AUTS2: variants seen among roughly 807,000 people sequenced by gnomAD.
AUTS2 encodes the protein activator of transcription and developmental regulator AUTS2.
Under a neutral mutation model 112.4 loss-of-function variants are expected in AUTS2, and 17 were observed. The observed-to-expected ratio is 0.15, with a 90% CI of 0.10 to 0.23. The LOEUF is 0.23. Ranked by LOEUF, AUTS2 falls within the 10% of genes least tolerant of loss-of-function variation. AUTS2 has a pLI of 1.00. For synonymous variants in AUTS2, 751 were observed against 702.7 expected, an observed-to-expected ratio of 1.07 and a Z score of -1.09; for missense variants, 1,510 against 1,701.6, an observed-to-expected ratio of 0.89 and a Z score of 1.98.
At chr7:70,262,584 G>T (rs576778283) in intron 4 of AUTS2, among the ~76,000 whole-genome samples, 2 of 152,130 alleles carry the variant, frequency 1.3e-5, no homozygotes, top group Non-Finnish European at 2.9e-5. Context: ...TCTTCAAAAA[G>T]ATATCAAATA....
intron 2 of AUTS2, among the ~76,000 whole-genome samples, chr7:70,014,156 A>G (rs1799926760): frequency 6.6e-6 from 1 of 152,222 alleles, no homozygotes; most frequent in Non-Finnish European, 1.5e-5. Context: ...GTGTAATACA[A>G]TTAAAATATT....
chr7:70,748,685 A>G (rs981179951), intron 6 of AUTS2, among the ~76,000 whole-genome samples: 2 of 152,190 alleles, frequency 1.3e-5, no homozygotes, highest in African/African-American at 4.8e-5. Context: ...TGAGGGTGCT[A>G]CCAACATTTG....
At chr7:70,057,955 A>G (rs896915007) in intron 2 of AUTS2, among the ~76,000 whole-genome samples, 5 of 152,184 alleles carry the variant, frequency 3.3e-5, no homozygotes, top group Admixed American at 6.5e-5. Context: ...CAGTGATACG[A>G]CTATTATGTA....
intron 5 of AUTS2, among the ~76,000 whole-genome samples, chr7:70,658,284 C>T (rs192536755): frequency 2.2e-3 from 338 of 152,308 alleles, no homozygotes; most frequent in African/African-American, 7.8e-3. Flanking sequence ...CCCTGGGGAA[C>T]TGTCTAGGGC....
chr7:70,055,094 T>C (rs779077108), intron 2 of AUTS2, among the ~76,000 whole-genome samples: 31 of 152,208 alleles, frequency 2.0e-4, no homozygotes, highest in Non-Finnish European at 4.3e-4. Flanking sequence ...ACATCTACTT[T>C]AAGTTAAACA....
chr7:70,439,767 C>T (rs1585146999), intron 5 of AUTS2, among the ~76,000 whole-genome samples: 1 of 152,092 alleles, frequency 6.6e-6, no homozygotes, highest in African/African-American at 2.4e-5. Context: ...AATATTTGGC[C>T]TATATTTTAT....
At chr7:70,373,659 A>T (rs1003678939) in intron 4 of AUTS2, among the ~76,000 whole-genome samples, 1 of 152,154 alleles carries the variant, frequency 6.6e-6, no homozygotes, top group African/African-American at 2.4e-5. Flanking sequence ...AATATCATCT[A>T]ATTAACACCT....
intron 1 of AUTS2, among the ~76,000 whole-genome samples, chr7:69,806,197 CTTTTTT>C (rs56704400): frequency 7.3e-5 from 4 of 55,010 alleles, no homozygotes; most frequent in Admixed American, 5.1e-4. Flanking sequence ...CCAGCCAAGG[CTTTTTT>C]TTTTTTTTTT....
intron 2 of AUTS2, among the ~76,000 whole-genome samples, chr7:70,091,043 CA>C (rs1803891646): frequency 6.6e-6 from 1 of 152,146 alleles, no homozygotes; most frequent in Non-Finnish European, 1.5e-5. Flanking sequence ...TATCTGAAAA[CA>C]TCTTCATTTT....
At chr7:70,579,300 C>G (rs752208182) in intron 5 of AUTS2, among the ~76,000 whole-genome samples, 1 of 127,570 alleles carries the variant, frequency 7.8e-6, no homozygotes, top group Non-Finnish European at 1.6e-5. Context: ...TCAAGTTAGG[C>G]AGCTTTGCTA....
chr7:70,178,660 C>T (rs934510407), intron 4 of AUTS2, among the ~76,000 whole-genome samples: 22 of 152,060 alleles, frequency 1.4e-4, no homozygotes, highest in African/African-American at 1.9e-4. Context: ...ATTAGCTGGG[C>T]GTGGTGGCAG....
intron 4 of AUTS2, among the ~76,000 whole-genome samples, chr7:70,286,350 A>T (rs1375753614): frequency 1.3e-5 from 2 of 152,248 alleles, no homozygotes; most frequent in Non-Finnish European, 2.9e-5. Flanking sequence ...AAGTGAGTCT[A>T]CTTTAAGCTG....
intron 4 of AUTS2, among the ~76,000 whole-genome samples, chr7:70,182,711 G>A (rs1301912851): frequency 6.6e-6 from 1 of 151,848 alleles, no homozygotes; most frequent in African/African-American, 2.4e-5. Flanking sequence ...CATTCTAAGC[G>A]GGATCCTTAC....
intron 5 of AUTS2, among the ~76,000 whole-genome samples, chr7:70,624,820 G>T (rs1804854573): frequency 6.6e-6 from 1 of 152,078 alleles, no homozygotes; most frequent in Admixed American, 6.5e-5. Flanking sequence ...AGATAGGAAA[G>T]AATTTGAATA....
chr7:69,900,857 A>G (rs1443172140), intron 2 of AUTS2, among the ~76,000 whole-genome samples: 1 of 152,208 alleles, frequency 6.6e-6, no homozygotes, highest in African/African-American at 2.4e-5. Flanking sequence ...TGGAGTTATA[A>G]TAGTAATTAT....
At chr7:69,947,093 A>G (rs1411468137) in intron 2 of AUTS2, among the ~76,000 whole-genome samples, 1 of 152,202 alleles carries the variant, frequency 6.6e-6, no homozygotes, top group Non-Finnish European at 1.5e-5. Context: ...GCTCCGTACA[A>G]AACTGTAAAT....
intron 5 of AUTS2, among the ~76,000 whole-genome samples, chr7:70,496,465 TCACA>T (rs1372148871): frequency 9.2e-5 from 5 of 54,634 alleles, no homozygotes; most frequent in Admixed American, 2.2e-4. Flanking sequence ...ACGTACACAG[TCACA>T]CACACACACA....
intron 2 of AUTS2, among the ~76,000 whole-genome samples, chr7:69,940,699 T>C (rs1796594547): frequency 6.6e-6 from 1 of 152,098 alleles, no homozygotes; most frequent in Admixed American, 6.5e-5. Flanking sequence ...GTCTAAGTCA[T>C]AGAGGGAGAC....
intron 4 of AUTS2, among the ~76,000 whole-genome samples, chr7:70,391,001 G>A (rs1793827536): frequency 6.6e-6 from 1 of 152,174 alleles, no homozygotes; most frequent in Admixed American, 6.5e-5. Context: ...CTGATAACCT[G>A]TGAAGGAACT....
Sources: gnomAD v4.1 joint callset for allele counts (sites outside exome capture counted in the v4.1 genomes callset) on GRCh38, gnomAD v4.1.1 for gene constraint, MANE v1.5 for transcripts, NCBI Gene and HGNC (gene_info 2026-07-23, HGNC 2026-07-21) for gene names.